The following MAGI1 variants were observed in gnomAD, a reference collection of about 807,000 sequenced individuals.
MAGI1 encodes membrane-associated guanylate kinase, WW and PDZ domain-containing protein 1.
In MAGI1, 58 loss-of-function variants were observed where a neutral mutation model predicts 139.9. The observed-to-expected ratio is 0.41, with a 90% CI of 0.34 to 0.52. The LOEUF (loss-of-function observed/expected upper bound fraction) is 0.52. MAGI1 is among the 20% of genes least tolerant of loss of function. MAGI1 has a pLI of 0.12. For missense variants in MAGI1, 1,874 were observed against 1,901.6 expected, an observed-to-expected ratio of 0.99 and a Z score of 0.27; for synonymous variants, 812 against 737.9, an observed-to-expected ratio of 1.10 and a Z score of -1.63.
At chr3:65,708,213 C>A (rs189021472) in intron 1 of MAGI1, among the ~76,000 whole-genome samples, 2 of 152,108 alleles carry the variant, frequency 1.3e-5, no homozygotes, top group South Asian at 2.1e-4. Flanking sequence ...GCTTTTCCCC[C>A]CTTTTAAAGA....
intron 1 of MAGI1, among the ~76,000 whole-genome samples, chr3:65,637,134 A>G (rs2084672526): frequency 1.3e-5 from 2 of 152,364 alleles, no homozygotes; most frequent in Middle Eastern, 6.8e-3. Context: ...ACCTAGTGTG[A>G]CAGTCCCACC....
rs1553644254 is a variant in MAGI1 at position 65,439,916 on chromosome 3, T to TGTTGCTGC, written c.1232_1233insGCAGCAAC (p.Gln414HisfsTer56). 6 of 1,344,984 alleles carry TGTTGCTGC rather than the reference T, an allele frequency of 4.5e-6. No homozygotes were observed. The South Asian group carries it at 6.1e-5, about 14-fold the overall frequency. The allele number at this position is 1,344,984 out of a possible 1,614,324, so 83.3% of individuals were successfully genotyped here. On this transcript the variant is annotated frameshift_variant, in exon 9 of 23. Coordinates refer to ENST00000402939, the MANE Select transcript of MAGI1 (RefSeq NM_001033057.2). LOFTEE classifies it high-confidence loss of function. Reference sequence around the variant, plus strand: ...GCTGCTGCTGCTGCTGCTGCTGCTGTTGCTGCTGCTGTTGCTGCTGCTGCT... The same window carrying TGTTGCTGC: ...GCTGCTGCTGCTGCTGCTGCTGCTGTGTTGCTGCTGCTGCTGCTGTTGCTGCTGCTGCT...
At chr3:65,964,513 A>G (rs1426069968) in intron 1 of MAGI1, among the ~76,000 whole-genome samples, 1 of 148,426 alleles carries the variant, frequency 6.7e-6, no homozygotes, top group Non-Finnish European at 1.5e-5. Context: ...CCTTTTATAC[A>G]TCTTGGGGGT....
At chr3:65,926,299 G>A (rs962613145) in intron 1 of MAGI1, among the ~76,000 whole-genome samples, 4 of 146,490 alleles carry the variant, frequency 2.7e-5, no homozygotes, top group African/African-American at 1.0e-4. Flanking sequence ...ACTGTCATCT[G>A]CAGAAGATCC....
chr3:65,418,937 T>C (rs1053124477), intron 12 of MAGI1, among the ~76,000 whole-genome samples: 4 of 152,218 alleles, frequency 2.6e-5, no homozygotes, highest in Non-Finnish European at 5.9e-5. Context: ...GCTGCTACAA[T>C]GGTCTTGTGA....
chr3:65,807,361 C>G (rs952827502), intron 1 of MAGI1, among the ~76,000 whole-genome samples: 3 of 152,106 alleles, frequency 2.0e-5, no homozygotes, highest in African/African-American at 7.2e-5. Context: ...AAAAAGGGAC[C>G]GGCTTTCTCT....
In MAGI1 at chr3:65,666,957, T is replaced by A. The variant is rs983676923; in HGVS notation, c.314-44869A>T. 3.3e-5 allele frequency among the ~76,000 whole-genome samples: 5 copies of A among 152,120 alleles called. No individual in the cohort carries two copies. The East Asian group carries it at 5.8e-4, about 18-fold the overall frequency. ...ATGAAAACATCCATCCCAAACTAGA[T>A]GAAGCCTTCAGACATACCTACAATT... On this transcript the variant is annotated intron_variant, in intron 1 of 22. Transcript: ENST00000402939.
chr3:66,032,385 GTTT>G (rs386396910), intron 1 of MAGI1, among the ~76,000 whole-genome samples: 2 of 134,214 alleles, frequency 1.5e-5, no homozygotes, highest in Non-Finnish European at 3.1e-5. Flanking sequence ...TAATTTTTTT[GTTT>G]TTTTTTTTTT....
chr3:65,934,638 C>A (rs1410155924), intron 1 of MAGI1, among the ~76,000 whole-genome samples: 1 of 147,802 alleles, frequency 6.8e-6, no homozygotes, highest in African/African-American at 2.6e-5. Context: ...TATATTGGGC[C>A]ATTTAATGGT....
chr3:65,951,450 G>A (rs1456342100), intron 1 of MAGI1, among the ~76,000 whole-genome samples: 2 of 152,164 alleles, frequency 1.3e-5, no homozygotes, highest in African/African-American at 4.8e-5. Flanking sequence ...CAATGAAACT[G>A]TTGCATCGAA....
At chr3:65,955,114 C>T (rs955519482) in intron 1 of MAGI1, among the ~76,000 whole-genome samples, 3 of 151,902 alleles carry the variant, frequency 2.0e-5, no homozygotes, top group Admixed American at 1.3e-4. Context: ...GAGACAGAGA[C>T]AGAAAGAGAG....
chr3:65,817,094 G>C (rs1418685440), intron 1 of MAGI1, among the ~76,000 whole-genome samples: 2 of 152,082 alleles, frequency 1.3e-5, no homozygotes, highest in Admixed American at 1.3e-4. Flanking sequence ...ATAAAAATTT[G>C]TTTCCTACTT....
intron 1 of MAGI1, among the ~76,000 whole-genome samples, chr3:65,924,371 G>A (rs2062388778): frequency 6.6e-6 from 1 of 152,138 alleles, no homozygotes; most frequent in South Asian, 2.1e-4. Context: ...TCCCTCCCCA[G>A]AACACTGTAA....
intron 2 of MAGI1, among the ~76,000 whole-genome samples, chr3:65,567,013 C>T (rs1166635364): frequency 6.6e-6 from 1 of 150,988 alleles, no homozygotes; most frequent in Admixed American, 6.6e-5. Flanking sequence ...CCTGCTCCCT[C>T]CACAGGGAGG....
At chr3:65,468,994 T>C (rs1950378426) in intron 5 of MAGI1, among the ~76,000 whole-genome samples, 1 of 151,756 alleles carries the variant, frequency 6.6e-6, no homozygotes, top group African/African-American at 2.4e-5. Flanking sequence ...AATAAATGTG[T>C]GTATACACAC....
At chr3:65,977,568 G>A (rs540991345) in intron 1 of MAGI1, among the ~76,000 whole-genome samples, 1 of 151,962 alleles carries the variant, frequency 6.6e-6, no homozygotes, top group East Asian at 1.9e-4. Flanking sequence ...AAAATGAGCT[G>A]GGCATGGTGG....
intron 1 of MAGI1, among the ~76,000 whole-genome samples, chr3:65,708,489 A>G (rs1219586445): frequency 6.6e-6 from 1 of 152,164 alleles, no homozygotes; most frequent in East Asian, 1.9e-4. Context: ...TGCCTCACTT[A>G]ACTCAGAACA....
At chr3:65,738,300 T>G (rs1418037044) in intron 1 of MAGI1, among the ~76,000 whole-genome samples, 1 of 152,198 alleles carries the variant, frequency 6.6e-6, no homozygotes, top group African/African-American at 2.4e-5. Context: ...GCCTCCTGAG[T>G]TGCTAGGACT....
chr3:65,847,094 A>C (rs888157321), intron 1 of MAGI1, among the ~76,000 whole-genome samples: 1 of 152,104 alleles, frequency 6.6e-6, no homozygotes, highest in East Asian at 1.9e-4. Context: ...CACTGCCAAC[A>C]TAATGAAATG....
Sources: gnomAD v4.1 joint callset for allele counts (sites outside exome capture counted in the v4.1 genomes callset) on GRCh38, gnomAD v4.1.1 for gene constraint, MANE v1.5 for transcripts, NCBI Gene and HGNC (gene_info 2026-07-23, HGNC 2026-07-21) for gene names.